Variants in CDK13 observed in about 807,000 individuals in gnomAD.
CDK13 encodes cyclin-dependent kinase 13.
CDK13 carries 40 observed loss-of-function variants against 137.6 expected under a neutral mutation model. The ratio of observed to expected loss-of-function variants is 0.29; its 90% confidence interval spans 0.23 to 0.38. The LOEUF is 0.38. Among genes scored for constraint, CDK13 ranks in the 10% least tolerant of loss-of-function variants. The pLI is 1.00. For synonymous variants in CDK13, 869 were observed against 760.1 expected, an observed-to-expected ratio of 1.14 and a Z score of -2.36; for missense variants, 1,704 against 1,951.8, an observed-to-expected ratio of 0.87 and a Z score of 2.39.
chr7:40,020,950 G>A (rs992647397), intron 5 of CDK13, among the ~76,000 whole-genome samples: 4 of 151,952 alleles, frequency 2.6e-5, no homozygotes. Flanking sequence ...AATTAGCAGG[G>A]CGTGGTAGTG....
At chr7:40,027,348 AACAC>A (rs1375924172) in intron 5 of CDK13, among the ~76,000 whole-genome samples, 2 of 152,228 alleles carry the variant, frequency 1.3e-5, no homozygotes, top group South Asian at 2.1e-4. Flanking sequence ...GTCTCACACA[AACAC>A]ACAAACAAAC....
chr7:40,029,713 T>C (rs1785326174), intron 5 of CDK13, among the ~76,000 whole-genome samples: 1 of 151,988 alleles, frequency 6.6e-6, no homozygotes, highest in African/African-American at 2.4e-5. Context: ...AGTACAGTGC[T>C]GTGATCTTGG....
intron 11 of CDK13, among the ~76,000 whole-genome samples, chr7:40,085,918 T>C (rs1786776546): frequency 6.6e-6 from 1 of 152,168 alleles, no homozygotes; most frequent in African/African-American, 2.4e-5. Context: ...AAAGCTAGAA[T>C]GCTGAAAATA....
intron 1 of CDK13, among the ~76,000 whole-genome samples, chr7:39,966,275 G>C (rs1082026): frequency 0.99 from 151,294 of 152,316 alleles, 75,148 homozygotes; most frequent in South Asian, 1. Flanking sequence ...TAGATTTGGT[G>C]TTTTCACATG....
At chr7:39,957,154 C>T (rs188602707) in intron 1 of CDK13, among the ~76,000 whole-genome samples, 1 of 144,622 alleles carries the variant, frequency 6.9e-6, no homozygotes, top group Non-Finnish European at 1.5e-5. Flanking sequence ...TGGTGTTTTA[C>T]TGTGTTGCTC....
At chr7:39,967,054 G>A (rs1412890889) in intron 1 of CDK13, among the ~76,000 whole-genome samples, 2 of 152,164 alleles carry the variant, frequency 1.3e-5, no homozygotes, top group Non-Finnish European at 2.9e-5. Context: ...GGCTACTCGG[G>A]GTTCAGGGAC....
intron 7 of CDK13, among the ~76,000 whole-genome samples, chr7:40,054,775 A>G (rs1186697361): frequency 6.6e-6 from 1 of 152,232 alleles, no homozygotes; most frequent in African/African-American, 2.4e-5. Context: ...AGGTTTAAGG[A>G]AAAACAAAAG....
chr7:40,068,707 G>GAAAAAA (rs1158145409), intron 9 of CDK13, among the ~76,000 whole-genome samples: 10 of 47,080 alleles, frequency 2.1e-4, no homozygotes, highest in East Asian at 6.4e-4. Context: ...CTATGTCTCA[G>GAAAAAA]AAAAAAAAAA....
At chr7:39,982,483 C>T (rs2116241000) in intron 1 of CDK13, among the ~76,000 whole-genome samples, 1 of 152,120 alleles carries the variant, frequency 6.6e-6, no homozygotes, top group East Asian at 1.9e-4. Flanking sequence ...CATACATGTG[C>T]ATGTGTCTTT....
intron 5 of CDK13, among the ~76,000 whole-genome samples, chr7:40,012,065 C>T (rs115744745): frequency 6.6e-6 from 1 of 152,168 alleles, no homozygotes; most frequent in African/African-American, 2.4e-5. Context: ...AAGTGCAAAT[C>T]AAAACCACAG....
intron 2 of CDK13, among the ~76,000 whole-genome samples, chr7:39,996,351 T>G (rs1193695260): frequency 6.6e-6 from 1 of 152,192 alleles, no homozygotes; most frequent in Non-Finnish European, 1.5e-5. Flanking sequence ...CATTATGAGA[T>G]TCTCTTTCAA....
chr7:40,052,509 A>G (rs1179432935), intron 7 of CDK13, among the ~76,000 whole-genome samples: 2 of 152,150 alleles, frequency 1.3e-5, no homozygotes, highest in Non-Finnish European at 2.9e-5. Context: ...TATTACTATG[A>G]TCAAAATGAA....
chr7:39,983,424 A>T (rs1226176895), intron 1 of CDK13, among the ~76,000 whole-genome samples: 1 of 152,154 alleles, frequency 6.6e-6, no homozygotes, highest in African/African-American at 2.4e-5. Context: ...CCCGGCCCCA[A>T]AATATCTTTA....
chr7:40,064,365 A>G (rs1253588269), intron 9 of CDK13, among the ~76,000 whole-genome samples: 1 of 152,200 alleles, frequency 6.6e-6, no homozygotes, highest in Non-Finnish European at 1.5e-5. Flanking sequence ...AATTTCCATG[A>G]AAGTTTCAAA....
intron 9 of CDK13, chr7:40,069,372 G>A (rs941351207): frequency 1.5e-5 from 7 of 451,808 alleles, no homozygotes; most frequent in African/African-American, 6.0e-5. Context: ...GGAGTATACC[G>A]AAAAGTGTGT....
chr7:40,030,817 A>C (rs974727317), intron 5 of CDK13, among the ~76,000 whole-genome samples: 1 of 152,110 alleles, frequency 6.6e-6, no homozygotes, highest in Non-Finnish European at 1.5e-5. Context: ...GTATGCACCT[A>C]AAGTTCCTCC....
At chr7:40,011,276 C>A (rs1021067906) in intron 5 of CDK13, among the ~76,000 whole-genome samples, 2 of 152,168 alleles carry the variant, frequency 1.3e-5, no homozygotes, top group African/African-American at 2.4e-5. Context: ...ATAATCCCAA[C>A]CCCTTGGAGG....
At chr7:40,064,659 C>T (rs993299060) in intron 9 of CDK13, among the ~76,000 whole-genome samples, 2 of 151,916 alleles carry the variant, frequency 1.3e-5, no homozygotes, top group African/African-American at 2.4e-5. Context: ...CAGAAGTACC[C>T]GAAGCCAGAA....
intron 5 of CDK13, among the ~76,000 whole-genome samples, chr7:40,027,738 C>T (rs552292076): frequency 9.3e-5 from 13 of 140,484 alleles, no homozygotes; most frequent in Non-Finnish European, 1.2e-4. Context: ...TCTGTTTCTA[C>T]GGGTACATGA....
Sources: allele counts gnomAD v4.1 joint callset (sites outside exome capture counted in the v4.1 genomes callset), GRCh38; gene constraint gnomAD v4.1.1; transcripts MANE v1.5; gene names NCBI Gene and HGNC (gene_info 2026-07-23, HGNC 2026-07-21).